The following WWOX variants were observed in gnomAD, a reference collection of about 807,000 sequenced individuals.
WWOX encodes the protein WW domain containing oxidoreductase, also known as WW domain-containing oxidoreductase.
In WWOX, 69 loss-of-function variants were observed where a neutral mutation model predicts 46.2. The ratio of observed to expected loss-of-function variants is 1.49; its 90% CI spans 1.23 to 1.82. The LOEUF is 1.82. WWOX is among the 40% of genes most tolerant of loss of function. WWOX has a pLI of 0.00. For synonymous variants in WWOX, 359 were observed against 202.6 expected (o/e 1.77, Z -6.56); for missense variants, 919 against 542.6 (o/e 1.69, Z -6.89).
At chr16:78,203,276 G>A (rs1222640295) in intron 5 of WWOX, among the ~76,000 whole-genome samples, 2 of 152,106 alleles carry the variant, frequency 1.3e-5, no homozygotes, top group Admixed American at 1.3e-4. Flanking sequence ...TGGTTTGGGG[G>A]GCCCCAAGTA....
intron 8 of WWOX, among the ~76,000 whole-genome samples, chr16:78,776,410 C>G (rs943515588): frequency 6.6e-6 from 1 of 152,022 alleles, no homozygotes; most frequent in African/African-American, 2.4e-5. Context: ...CAACTCATAC[C>G]TACTGTTCGT....
At chr16:79,055,349 A>G (rs1051494709) in intron 8 of WWOX, among the ~76,000 whole-genome samples, 40 of 152,188 alleles carry the variant, frequency 2.6e-4, no homozygotes, top group Admixed American at 4.6e-4. Flanking sequence ...AGTTGAATTC[A>G]TCTTCCCTTG....
chr16:78,995,146 T>C (rs929891944), intron 8 of WWOX, among the ~76,000 whole-genome samples: 1 of 152,082 alleles, frequency 6.6e-6, no homozygotes, highest in African/African-American at 2.4e-5. Context: ...TTTTGTGACT[T>C]AGCTGGCTGG....
At chr16:78,785,708 T>C (rs2050438873) in intron 8 of WWOX, among the ~76,000 whole-genome samples, 1 of 152,204 alleles carries the variant, frequency 6.6e-6, no homozygotes, top group Non-Finnish European at 1.5e-5. Context: ...GACATGAATA[T>C]TGGTTGATAT....
At chr16:79,131,384 T>C (rs2049875153) in intron 8 of WWOX, among the ~76,000 whole-genome samples, 1 of 152,110 alleles carries the variant, frequency 6.6e-6, no homozygotes, top group Non-Finnish European at 1.5e-5. Flanking sequence ...GGCTTTGAGG[T>C]CTTTTTTTCC....
chr16:78,989,943 G>T (rs2046853329), intron 8 of WWOX, among the ~76,000 whole-genome samples: 1 of 151,768 alleles, frequency 6.6e-6, no homozygotes, highest in Non-Finnish European at 1.5e-5. Context: ...AGCACTTTGG[G>T]AGGCCGGGGC....
intron 5 of WWOX, among the ~76,000 whole-genome samples, chr16:78,251,800 C>T (rs1419648350): frequency 3.9e-5 from 6 of 152,168 alleles, no homozygotes; most frequent in African/African-American, 1.4e-4. Flanking sequence ...TCCCTACTCC[C>T]CACCCACTTA....
intron 8 of WWOX, among the ~76,000 whole-genome samples, chr16:78,517,255 C>G (rs1039331836): frequency 7.2e-5 from 11 of 152,114 alleles, no homozygotes; most frequent in Admixed American, 2.6e-4. Flanking sequence ...AAATATTTGT[C>G]AGATGTAACT....
chr16:78,477,943 T>G (rs1363473066), intron 8 of WWOX, among the ~76,000 whole-genome samples: 1 of 152,192 alleles, frequency 6.6e-6, no homozygotes, highest in East Asian at 1.9e-4. Flanking sequence ...AATGTGTGTA[T>G]TAGAATTACC....
chr16:78,787,943 T>A (rs1320055595), intron 8 of WWOX, among the ~76,000 whole-genome samples: 1 of 152,240 alleles, frequency 6.6e-6, no homozygotes, highest in East Asian at 1.9e-4. Context: ...GTATCTTTTT[T>A]AAAATAGAAA....
intron 8 of WWOX, among the ~76,000 whole-genome samples, chr16:79,031,488 T>A (rs1041925867): frequency 6.6e-6 from 1 of 152,032 alleles, no homozygotes; most frequent in East Asian, 1.9e-4. Flanking sequence ...GTAATTCTTA[T>A]GAATTTGAGA....
In WWOX at chr16:78,422,678, TATATATACACACACACACACAC is replaced by T. The variant is rs1567563257; in HGVS notation, c.606-2184_606-2163del. On this transcript the variant is annotated intron_variant, in intron 6 of 8. Transcript: ENST00000566780. ...TTTTTTACATGTATATATATATATA[TATATATACACACACACACACAC>T]ATATATATATACACACACACATATA... Among the ~76,000 whole-genome samples, 43 of 77,628 alleles carry T rather than the reference TATATATACACACACACACACAC, an allele frequency of 5.5e-4. 1 individual carries two copies. Among genetic ancestry groups the T allele is most frequent in the African/African-American group, 2.7e-3 (42 of 15,368 alleles). 50.9% of individuals were successfully genotyped at this position (77,628 alleles called of 152,430 possible). A position where few individuals can be genotyped will look rare whatever the true frequency, so the allele number is the denominator to read the frequency against.
At chr16:79,097,564 CAT>C (rs891722393) in intron 8 of WWOX, among the ~76,000 whole-genome samples, 1 of 152,160 alleles carries the variant, frequency 6.6e-6, no homozygotes, top group African/African-American at 2.4e-5. Flanking sequence ...TAGGAAAAAA[CAT>C]AACCCTCTCC....
At chr16:78,414,521 T>G (rs767643630) in intron 6 of WWOX, among the ~76,000 whole-genome samples, 9 of 152,146 alleles carry the variant, frequency 5.9e-5, no homozygotes, top group Non-Finnish European at 1.2e-4. Context: ...GTGAGCCAAT[T>G]GCGCCACTGC....
At chr16:78,100,285 C>T (rs1216900747) in intron 1 of WWOX, 15 of 1,062,000 alleles carry the variant, frequency 1.4e-5, no homozygotes, top group Non-Finnish European at 1.7e-5. Flanking sequence ...ACCGGTATTG[C>T]TCAGTCATCC....
At chr16:79,027,225 G>A (rs1180319996) in intron 8 of WWOX, among the ~76,000 whole-genome samples, 2 of 149,030 alleles carry the variant, frequency 1.3e-5, no homozygotes, top group Non-Finnish European at 3.0e-5. Context: ...GGCTGCAGTG[G>A]GCTGTGATCA....
intron 5 of WWOX, among the ~76,000 whole-genome samples, chr16:78,291,196 G>A (rs1331034245): frequency 6.6e-6 from 1 of 152,066 alleles, no homozygotes; most frequent in African/African-American, 2.4e-5. Context: ...TCTGACATTT[G>A]AAGAAATATT....
chr16:78,475,459 G>C (rs1057031212), intron 8 of WWOX, among the ~76,000 whole-genome samples: 2 of 152,198 alleles, frequency 1.3e-5, no homozygotes, highest in African/African-American at 2.4e-5. Context: ...AAGAGAATAA[G>C]GTGTTGGTTT....
chr16:78,717,493 G>T (rs928271206), intron 8 of WWOX, among the ~76,000 whole-genome samples: 2 of 152,188 alleles, frequency 1.3e-5, no homozygotes, highest in African/African-American at 2.4e-5. Context: ...CAACAAATGT[G>T]TATTAAGTAT....
Sources: allele counts gnomAD v4.1 joint callset (sites outside exome capture counted in the v4.1 genomes callset), GRCh38; gene constraint gnomAD v4.1.1; transcripts MANE v1.5; gene names NCBI Gene and HGNC (gene_info 2026-07-23, HGNC 2026-07-21).